Variants in DNAJC12 observed in about 807,000 individuals in gnomAD.
DNAJC12 encodes the protein dnaJ homolog subfamily C member 12.
DNAJC12 carries 25 observed loss-of-function variants against 28.5 expected under a neutral mutation model. The ratio of observed to expected loss-of-function variants is 0.88; its 90% CI spans 0.64 to 1.22. The LOEUF is 1.22. Among genes scored for constraint, DNAJC12 ranks in the 50% most tolerant of loss-of-function variants. The pLI is 0.00. For synonymous variants in DNAJC12, 77 were observed against 80.6 expected (o/e 0.95, Z 0.24); for missense variants, 222 against 231.7 (o/e 0.96, Z 0.27).
At chr10:67,815,067 A>G (rs1375093232) in intron 2 of DNAJC12, among the ~76,000 whole-genome samples, 1 of 152,240 alleles carries the variant, frequency 6.6e-6, no homozygotes, top group Non-Finnish European at 1.5e-5. Context: ...AGCATTACTC[A>G]TAATAGCCAA....
chr10:67,824,836 T>A (rs1589611268), intron 1 of DNAJC12, among the ~76,000 whole-genome samples: 2 of 151,960 alleles, frequency 1.3e-5, no homozygotes, highest in African/African-American at 4.8e-5. Flanking sequence ...TGGCTTCAAG[T>A]GATTCTCCTG....
At chr10:67,811,857 CA>C (rs1841864381) in intron 2 of DNAJC12, among the ~76,000 whole-genome samples, 194 bp from the exon 3 acceptor site, 1 of 152,186 alleles carries the variant, frequency 6.6e-6, no homozygotes, top group African/African-American at 2.4e-5. Flanking sequence ...GTGCTCGGCA[CA>C]GTTTATCCAC....
At chr10:67,821,000 C>T (rs904431084) in intron 2 of DNAJC12, among the ~76,000 whole-genome samples, 11 of 151,268 alleles carry the variant, frequency 7.3e-5, no homozygotes, top group South Asian at 4.2e-4. Context: ...TCAGGCTGGT[C>T]TCGAACTCCC....
chr10:67,811,680 G>C lies in DNAJC12; in HGVS notation c.158-17C>G. The C allele has an allele frequency of 6.2e-7, 1 of 1,607,686 alleles. No homozygotes were observed. The highest frequency in any genetic ancestry group is 8.5e-7 in the Non-Finnish European group (1 of 1,176,568). On this transcript the variant is annotated splice_polypyrimidine_tract_variant and intron_variant, in intron 2 of 4. Coordinates refer to ENST00000225171, the MANE Select transcript of DNAJC12 (RefSeq NM_021800.3). Reference sequence around the variant, plus strand: ...AAGTCTCCACTGGAAAACAAATCAAGAAATGAGCACTTCTCTCTCGGAGAG... The same window carrying C: ...AAGTCTCCACTGGAAAACAAATCAACAAATGAGCACTTCTCTCTCGGAGAG...
intron 3 of DNAJC12, among the ~76,000 whole-genome samples, chr10:67,806,521 C>T (rs1040088286): frequency 2.0e-5 from 3 of 152,032 alleles, no homozygotes; most frequent in African/African-American, 4.8e-5. Context: ...CAGCTCTCAC[C>T]CTAACAAGAA....
At chr10:67,811,467 T>C (rs1227844259) in intron 3 of DNAJC12, 57 bp downstream of exon 3, 1 of 1,610,306 alleles carries the variant, frequency 6.2e-7, no homozygotes, top group South Asian at 1.1e-5. Context: ...TACATGAGTC[T>C]AATCCATGGG....
intron 2 of DNAJC12, among the ~76,000 whole-genome samples, chr10:67,812,219 G>C (rs1841868033): frequency 6.6e-6 from 1 of 152,142 alleles, no homozygotes; most frequent in Non-Finnish European, 1.5e-5. Context: ...CGGTGACTTA[G>C]AGGAAGTAGT....
chr10:67,833,747 G>T, intron 1 of DNAJC12: 1 of 451,476 alleles, frequency 2.2e-6, no homozygotes, highest in South Asian at 1.6e-5. Flanking sequence ...AGAGGCAAGG[G>T]AGCCCAGCTA....
chr10:67,830,263 A>G (rs892247617), intron 1 of DNAJC12, among the ~76,000 whole-genome samples: 1 of 152,058 alleles, frequency 6.6e-6, no homozygotes, highest in African/African-American at 2.4e-5. Context: ...GTGAGCTGAG[A>G]TCGCGCCACT....
chr10:67,834,256 G>T (rs1842121905), intron 1 of DNAJC12, among the ~76,000 whole-genome samples: 1 of 152,048 alleles, frequency 6.6e-6, no homozygotes, highest in Non-Finnish European at 1.5e-5. Flanking sequence ...AGGGTATATA[G>T]GAACTCTGTT....
chr10:67,823,342 T>C lies in DNAJC12; in HGVS notation c.129A>G (p.Pro43=). The change falls in exon 2 of 5, where the codon CCA becomes CCG. Residue 43 remains proline (P), a synonymous_variant. Transcript: ENST00000225171. ...CTTTGGGGTTTTCAGGATGCTTGTC[T>C]GGGTGACATTCCAGAGCTCTGACTT... ...EFKVRALECH[P]DKHPENPKAV... is the part of the protein sequence containing the mutation. 1 of 1,614,146 alleles carries C rather than the reference T, an allele frequency of 6.2e-7. No homozygotes were observed.
chr10:67,820,739 C>A (rs1309721849), intron 2 of DNAJC12, among the ~76,000 whole-genome samples: 2 of 150,450 alleles, frequency 1.3e-5, no homozygotes, highest in African/African-American at 4.9e-5. Context: ...TAATAAAGAA[C>A]CTTAAGACAA....
chr10:67,837,445 A>T (rs189920592), intron 1 of DNAJC12, among the ~76,000 whole-genome samples: 1 of 152,248 alleles, frequency 6.6e-6, no homozygotes, highest in African/African-American at 2.4e-5. Context: ...CTGTCACACA[A>T]TTTGAAATAT....
rs140944403 is a variant in DNAJC12 at position 67,834,001 on chromosome 10, A to G, written c.78+3933T>C. 4,210 of 455,958 alleles carry G rather than the reference A, an allele frequency of 9.2e-3. 30 individuals are homozygous for G. The highest frequency in any genetic ancestry group is 0.014 in the Non-Finnish European group (3,148 of 221,308). 28.2% of individuals were successfully genotyped at this position (455,958 alleles called of 1,614,324 possible). On this transcript the variant is annotated intron_variant, in intron 1 of 4. Coordinates refer to ENST00000225171, the MANE Select transcript of DNAJC12 (RefSeq NM_021800.3). ...ACTGCCAAAAAAGGGAAAATAAGAG[A>G]TGCTCATTGATAAATTATACTCTTA...
intron 2 of DNAJC12, among the ~76,000 whole-genome samples, chr10:67,822,749 A>C (rs900750756): frequency 6.6e-6 from 1 of 152,102 alleles, no homozygotes; most frequent in Non-Finnish European, 1.5e-5. Context: ...CAGCACTGGG[A>C]GGCCGAGGTG....
At chr10:67,836,179 C>A (rs1842140830) in intron 1 of DNAJC12, among the ~76,000 whole-genome samples, 1 of 151,846 alleles carries the variant, frequency 6.6e-6, no homozygotes, top group Non-Finnish European at 1.5e-5. Flanking sequence ...AGGGGAACAT[C>A]ACACACCGGG....
At chr10:67,836,028 A>AT (rs1455559438) in intron 1 of DNAJC12, among the ~76,000 whole-genome samples, 3 of 152,204 alleles carry the variant, frequency 2.0e-5, no homozygotes, top group Non-Finnish European at 2.9e-5. Context: ...ATAAAAAAGA[A>AT]TGAGTTCATG....
chr10:67,805,497 T>C lies in DNAJC12; in HGVS notation c.502+86A>G, dbSNP rs1841790696. 2.9e-6 allele frequency: 4 copies of C among 1,399,160 alleles called. No individual in the cohort carries two copies. The Admixed American group carries it at 9.7e-5, about 34-fold the overall frequency. The allele number at this position is 1,399,160 out of a possible 1,614,324, so 86.7% of individuals were successfully genotyped here. On this transcript the variant is annotated intron_variant, in intron 4 of 4. Transcript: ENST00000225171. The stretch of plus-strand genomic sequence containing the variant: ...TTTAAACTTGGCACTGCTGTGCAGA[T>C]TGAAAAAGTTAAGAATAAATGCAAT...
chr10:67,823,321 G>T lies in DNAJC12; in HGVS notation c.150C>A (p.Pro50=). Reference sequence around the variant, plus strand: ...CCTTTATTAAGTTCTTACCAGCTTTGGGGTTTTCAGGATGCTTGTCTGGGT... The same window carrying T: ...CCTTTATTAAGTTCTTACCAGCTTTTGGGTTTTCAGGATGCTTGTCTGGGT... ...ECHPDKHPEN[P]KAVETFQKLQ... Residue 50 remains proline, a synonymous_variant, in exon 2 of 5, where the codon CCC becomes CCA. Coordinates refer to ENST00000225171, the MANE Select transcript of DNAJC12 (RefSeq NM_021800.3). The T allele has an allele frequency of 1.2e-6, 2 of 1,613,928 alleles. No individual in the cohort carries two copies. The highest frequency in any genetic ancestry group is 1.7e-6 in the Non-Finnish European group (2 of 1,179,902).
Sources: allele counts gnomAD v4.1 joint callset (sites outside exome capture counted in the v4.1 genomes callset), GRCh38; gene constraint gnomAD v4.1.1; transcripts MANE v1.5; gene names NCBI Gene and HGNC (gene_info 2026-07-23, HGNC 2026-07-21).